The following KATNA1 variants were observed in gnomAD, a reference collection of about 807,000 sequenced individuals.
KATNA1 encodes katanin p60 ATPase-containing subunit A1.
A neutral mutation model predicts 62.6 loss-of-function variants in KATNA1; 42 were observed. The ratio of observed to expected loss-of-function variants is 0.67; its 90% CI spans 0.52 to 0.87. The LOEUF is 0.87. Among genes scored for constraint, KATNA1 ranks in the 40% least tolerant of loss-of-function variants. The pLI is 0.00. For synonymous variants in KATNA1, 186 were observed against 201.9 expected (o/e 0.92, Z 0.67); for missense variants, 498 against 612.5 (o/e 0.81, Z 1.97).
chr6:149,610,099 CAAAAAAAA>C (rs958933815), intron 4 of KATNA1, among the ~76,000 whole-genome samples: 3 of 50,192 alleles, frequency 6.0e-5, no homozygotes, highest in African/African-American at 1.2e-4. Flanking sequence ...AACTCCGTCT[CAAAAAAAA>C]AAAAAAAAAA....
chr6:149,595,090 A>G lies in KATNA1; in HGVS notation c.1422T>C (p.Ser474=), dbSNP rs1778246665. ...TCTCGTATCTTTCAATGTCTGCAGCAGACACTGACTTAGAAACCTTTTTTA... is the reference window on the plus strand; with the variant it reads ...TCTCGTATCTTTCAATGTCTGCAGCGGACACTGACTTAGAAACCTTTTTTA... The part of the protein sequence containing the change: ...MALKKVSKSV[S]AADIERYEKW... The change falls in exon 11 of 11, where the codon TCT becomes TCC. Residue 474 remains serine, a synonymous_variant. Transcript: ENST00000367411. The G allele has an allele frequency of 1.2e-6, 2 of 1,614,044 alleles. No homozygotes were observed. The highest frequency in any genetic ancestry group is 1.7e-5 in the Admixed American group (1 of 60,002).
intron 4 of KATNA1, among the ~76,000 whole-genome samples, chr6:149,611,363 G>A (rs959955648): frequency 6.7e-6 from 1 of 149,614 alleles, no homozygotes. Context: ...TCAGGAGGCT[G>A]AGGCAGGAGA....
At chr6:149,611,470 AAAAAAAAAAGAAAAAAGAAAAAAG>A (rs1778953359) in intron 4 of KATNA1, among the ~76,000 whole-genome samples, 2 of 149,564 alleles carry the variant, frequency 1.3e-5, no homozygotes, top group Admixed American at 6.6e-5. Flanking sequence ...CTCAAAAAAA[AAAAAAAAAAGAAAAAAGAAAAAAG>A]AAAAAAAAAG....
chr6:149,605,398 A>G (rs1190772191), intron 4 of KATNA1, among the ~76,000 whole-genome samples: 1 of 152,210 alleles, frequency 6.6e-6, no homozygotes, highest in African/African-American at 2.4e-5. Context: ...TTTAGAGGAG[A>G]TAAGATTAAA....
rs1215425502 is a variant in KATNA1 at position 149,597,613 on chromosome 6, G to A, written c.1044C>T (p.Asp348=). 1 of 1,613,854 alleles carries A rather than the reference G, an allele frequency of 6.2e-7. No homozygotes were observed. The highest frequency in any genetic ancestry group is 1.7e-4 in the Middle Eastern group (1 of 6,058). ...CCAGAACCATAACCATTTTGGAAGG[G>A]TCATCATTTTCAGAAGTACCTCCAA... The part of the protein sequence containing the change: ...DGVGGTSEND[D]PSKMVMVLAA... Residue 348 remains aspartate, a synonymous_variant, in exon 9 of 11, where the codon GAC becomes GAT. Coordinates refer to ENST00000367411, the MANE Select transcript of KATNA1 (RefSeq NM_007044.4).
At chr6:149,597,714 A>G in intron 8 of KATNA1, 73 bp from the exon 9 acceptor site, 2 of 1,416,738 alleles carry the variant, frequency 1.4e-6, no homozygotes, top group African/African-American at 2.8e-5. Flanking sequence ...AGCTATTTAA[A>G]GATCAACAAC....
chr6:149,637,898 G>A (rs936312745), intron 2 of KATNA1, among the ~76,000 whole-genome samples: 2 of 152,168 alleles, frequency 1.3e-5, no homozygotes, highest in African/African-American at 4.8e-5. Flanking sequence ...GATGGTGAAA[G>A]TGGATTATTA....
intron 3 of KATNA1, among the ~76,000 whole-genome samples, chr6:149,631,081 G>A (rs1779813141): frequency 6.6e-6 from 1 of 152,100 alleles, no homozygotes; most frequent in East Asian, 1.9e-4. Flanking sequence ...GACACTGTGG[G>A]TGTATAATGC....
In KATNA1 at chr6:149,638,436, T is replaced by C. The variant is rs774094453; in HGVS notation, c.112A>G (p.Lys38Glu). The C allele has an allele frequency of 1.2e-6, 2 of 1,614,144 alleles. No individual in the cohort carries two copies. Among genetic ancestry groups the C allele is most frequent in the South Asian group, 1.1e-5 (1 of 91,088 alleles). Reference sequence around the variant, plus strand: ...GTATCTTTGACTGAGTACAGATACTTGTTCATTTGGTCAAGAACTCCCTGA... The same window carrying C: ...GTATCTTTGACTGAGTACAGATACTCGTTCATTTGGTCAAGAACTCCCTGA... The part of the protein sequence containing the change: ...YYQGVLDQMN[K>E]YLYSVKDTYL... The change falls in exon 2 of 11, where the codon AAG becomes GAG. Residue 38 changes from lysine to glutamate, a missense_variant. Physicochemically the swap from Lys to Glu is moderately conservative, Grantham distance 56 (BLOSUM62 1). Around this residue, in one of 3 missense-constraint regions of KATNA1, gnomAD observed 203 missense variants for 198.4 expected, o/e 1.02. Transcript: ENST00000367411.
In KATNA1 at chr6:149,615,566, C is replaced by T. The variant is rs532340930; in HGVS notation, c.501+7537G>A. Among the ~76,000 whole-genome samples the T allele has an allele frequency of 9.2e-5, 14 of 152,068 alleles. No individual in the cohort carries two copies. In the South Asian group the frequency reaches 2.7e-3, roughly 29 times the overall value. On this transcript the variant is annotated intron_variant, in intron 4 of 10. Transcript: ENST00000367411. ...TATAAAGACTGAAATAACAGAAGTC[C>T]CTCCTTATCAGTAATTGGCTTAAAT...
rs1231855341 is a variant in KATNA1 at position 149,595,122 on chromosome 6, T to C, written c.1390A>G (p.Met464Val). 6.2e-7 allele frequency: 1 copy of C among 1,613,982 alleles called. No homozygotes were observed. The highest frequency in any genetic ancestry group is 1.3e-5 in the African/African-American group (1 of 74,936). ...GACTTAGAAACCTTTTTTAAAGCCA[T>C]CTCGAAATCCTCCATAGTTGTAGGC... ...HMPTTMEDFE[M>V]ALKKVSKSVS... Residue 464 changes from methionine to valine, a missense_variant, in exon 11 of 11, where the codon ATG (methionine) becomes GTG (valine). This residue lies in a region of KATNA1 where 267 missense variants were observed against 372.6 expected (regional missense o/e 0.72). Transcript: ENST00000367411.
chr6:149,629,613 A>C (rs1779756284), intron 3 of KATNA1, among the ~76,000 whole-genome samples: 1 of 152,196 alleles, frequency 6.6e-6, no homozygotes, highest in African/African-American at 2.4e-5. Flanking sequence ...AAAAGCAAAA[A>C]CACAACTTGA....
intron 3 of KATNA1, among the ~76,000 whole-genome samples, chr6:149,628,038 C>T (rs1467826436): frequency 1.3e-5 from 2 of 151,870 alleles, no homozygotes; most frequent in African/African-American, 4.9e-5. Flanking sequence ...AAGAATGTCA[C>T]ATCTAGTGGC....
chr6:149,635,978 C>A (rs2114618397), intron 2 of KATNA1, among the ~76,000 whole-genome samples: 1 of 152,016 alleles, frequency 6.6e-6, no homozygotes, highest in Non-Finnish European at 1.5e-5. Context: ...TCACTTGAAC[C>A]CGGGAGGTGG....
At position 149,600,458 on chromosome 6, in the gene KATNA1, C is replaced by T. The variant is rs543162238; in HGVS notation, c.888+1136G>A. Among the ~76,000 whole-genome samples, 8 of 152,088 alleles carry T rather than the reference C, an allele frequency of 5.3e-5. No homozygotes were observed. The East Asian group carries it at 1.5e-3, about 29-fold the overall frequency. The stretch of plus-strand genomic sequence containing the variant: ...GACCAGCCTGGTCAACATGGCAAAA[C>T]CTCATCTCTACTAAAAATACAAAAA... On this transcript the variant is annotated intron_variant, in intron 7 of 10. Coordinates refer to ENST00000367411, the MANE Select transcript of KATNA1 (RefSeq NM_007044.4).
intron 4 of KATNA1, among the ~76,000 whole-genome samples, chr6:149,621,788 C>T (rs1051232237): frequency 1.5e-4 from 22 of 150,516 alleles, no homozygotes; most frequent in South Asian, 2.1e-4. Flanking sequence ...CCACCATGCC[C>T]GGCCAAAAAA....
chr6:149,617,737 C>G (rs1779220889), intron 4 of KATNA1, among the ~76,000 whole-genome samples: 1 of 152,016 alleles, frequency 6.6e-6, no homozygotes, highest in South Asian at 2.1e-4. Context: ...GAGTTCGAAA[C>G]CAGCCTGACC....
intron 1 of KATNA1, among the ~76,000 whole-genome samples, chr6:149,645,373 C>G (rs1348464895): frequency 6.6e-6 from 1 of 150,458 alleles, no homozygotes; most frequent in Non-Finnish European, 1.5e-5. Flanking sequence ...AACCGGGAGG[C>G]AGAGCGTGCA....
At chr6:149,635,477 G>A (rs1189514208) in intron 2 of KATNA1, among the ~76,000 whole-genome samples, 2 of 152,128 alleles carry the variant, frequency 1.3e-5, no homozygotes, top group Non-Finnish European at 2.9e-5. Flanking sequence ...AGGCTGAGGA[G>A]GGCAGATCAC....
Sources: gnomAD v4.1 joint callset for allele counts (sites outside exome capture counted in the v4.1 genomes callset) on GRCh38, gnomAD v4.1.1 for gene constraint, gnomAD v4.1.1 regional missense constraint, MANE v1.5 for transcripts, NCBI Gene and HGNC (gene_info 2026-07-23, HGNC 2026-07-21) for gene names.